The following ABL1 variants were observed in gnomAD, a reference collection of about 807,000 sequenced individuals.
The protein encoded by ABL1 is ABL proto-oncogene 1, non-receptor tyrosine kinase.
In ABL1, 11 loss-of-function variants were observed where a neutral mutation model predicts 94.7. The observed-to-expected ratio is 0.12, with a 90% CI of 0.07 to 0.19. ABL1 has a LOEUF of 0.19. Ranked by LOEUF, ABL1 falls within the 10% of genes least tolerant of loss-of-function variation. ABL1 has a pLI of 1.00. For synonymous variants in ABL1, 656 were observed against 622.4 expected (o/e 1.05, Z -0.80); for missense variants, 1,082 against 1,489.4 (o/e 0.73, Z 4.50).
intron 1 of ABL1, among the ~76,000 whole-genome samples, chr9:130,795,889 T>C (rs1829967713): frequency 6.6e-6 from 1 of 152,248 alleles, no homozygotes. Flanking sequence ...TGAGAGTGCC[T>C]TTTAAAAATA....
chr9:130,865,741 G>C (rs1831143568), intron 4 of ABL1, among the ~76,000 whole-genome samples: 1 of 109,478 alleles, frequency 9.1e-6, no homozygotes, highest in African/African-American at 4.4e-5. Context: ...GTGAGACCCT[G>C]TCTCCAAAAA....
chr9:130,767,087 C>G (rs1450319384), intron 1 of ABL1, among the ~76,000 whole-genome samples: 1 of 152,158 alleles, frequency 6.6e-6, no homozygotes, highest in African/African-American at 2.4e-5. Flanking sequence ...CTGGCTCTTT[C>G]AGACCCATGC....
At chr9:130,804,412 C>G (rs909561321) in intron 1 of ABL1, among the ~76,000 whole-genome samples, 1 of 152,066 alleles carries the variant, frequency 6.6e-6, no homozygotes, top group Non-Finnish European at 1.5e-5. Context: ...CATGGAGAAA[C>G]CCCGTCTCTA....
chr9:130,879,752 G>A (rs1831419402), intron 8 of ABL1, among the ~76,000 whole-genome samples: 1 of 152,154 alleles, frequency 6.6e-6, no homozygotes, highest in African/African-American at 2.4e-5. Flanking sequence ...CAAGATAGAA[G>A]GTGAGCTGTT....
rs574062875 is a variant in ABL1 at position 130,800,522 on chromosome 9, C to T, written c.137-53542C>T. 6.6e-5 allele frequency among the ~76,000 whole-genome samples: 10 copies of T among 152,180 alleles called. No individual in the cohort carries two copies. The South Asian group carries it at 1.9e-3, about 28-fold the overall frequency. ...TCTCAACATTAAAAGTTTTCCTGTG[C>T]CTTTTTCCAGTGGATTCCTTCCCTC... On this transcript the variant is annotated intron_variant, in intron 1 of 10. Transcript: ENST00000372348.
intron 4 of ABL1, among the ~76,000 whole-genome samples, chr9:130,866,654 A>G (rs1301293840): frequency 5.3e-5 from 8 of 152,204 alleles, no homozygotes; most frequent in African/African-American, 1.2e-4. Context: ...GAAGGAAGAC[A>G]GAAGAGAACA....
At chr9:130,787,342 T>TTC (rs557230800) in intron 1 of ABL1, among the ~76,000 whole-genome samples, 38 of 152,222 alleles carry the variant, frequency 2.5e-4, no homozygotes, top group Non-Finnish European at 4.1e-4. Flanking sequence ...GGACTCTGCC[T>TTC]TCTGTGTGTG....
chr9:130,786,542 A>G (rs899066352), intron 1 of ABL1, among the ~76,000 whole-genome samples: 2 of 152,186 alleles, frequency 1.3e-5, no homozygotes, highest in African/African-American at 4.8e-5. Flanking sequence ...CTGTCTCCTG[A>G]CTGGTACATC....
intron 1 of ABL1, among the ~76,000 whole-genome samples, chr9:130,826,277 C>T (rs903989658): frequency 4.6e-5 from 7 of 152,008 alleles, no homozygotes; most frequent in South Asian, 2.1e-4. Flanking sequence ...CACACCACCA[C>T]GCCCAGCAAA....
At chr9:130,743,232 C>T (rs1831841906) in intron 1 of ABL1, among the ~76,000 whole-genome samples, 1 of 152,136 alleles carries the variant, frequency 6.6e-6, no homozygotes, top group African/African-American at 2.4e-5. Flanking sequence ...GCCACCATGC[C>T]CGGCTAATTT....
rs962650766 is a variant in ABL1 at position 130,885,029 on chromosome 9, G to A, written c.2739G>A (p.Lys913=). ...PAASAGKAGG[K]PSQSPSQEAA... is the part of the protein sequence containing the mutation. Reference sequence around the variant, plus strand: ...CCTCTGCAGGGAAGGCTGGAGGAAAGCCCTCGCAGAGCCCGAGCCAGGAGG... The same window carrying A: ...CCTCTGCAGGGAAGGCTGGAGGAAAACCCTCGCAGAGCCCGAGCCAGGAGG... The change falls in exon 11 of 11, where the codon AAG becomes AAA. Residue 913 remains lysine (K), a synonymous_variant. Transcript: ENST00000318560. The A allele has an allele frequency of 3.1e-6, 5 of 1,611,326 alleles. No homozygotes were observed. Among genetic ancestry groups the A allele is most frequent in the Admixed American group, 3.3e-5 (2 of 59,834 alleles).
chr9:130,764,369 G>A (rs1832154773), intron 1 of ABL1, among the ~76,000 whole-genome samples: 2 of 152,160 alleles, frequency 1.3e-5, no homozygotes, highest in African/African-American at 4.8e-5. Context: ...GAGGGAACTA[G>A]CTCTGGTCCT....
At chr9:130,850,223 A>G (rs1830834527) in intron 1 of ABL1, among the ~76,000 whole-genome samples, 1 of 152,260 alleles carries the variant, frequency 6.6e-6, no homozygotes, top group African/African-American at 2.4e-5. Flanking sequence ...TGCAAGTGTG[A>G]AAAGAGAATT....
chr9:130,716,072 C>CCT (rs1831434882), intron 1 of ABL1, among the ~76,000 whole-genome samples: 1 of 91,186 alleles, frequency 1.1e-5, no homozygotes, highest in Admixed American at 1.4e-4. Context: ...GAAAAATGTC[C>CCT]TTTTTTTTTT....
chr9:130,812,036 C>T lies in ABL1; in HGVS notation c.137-42028C>T, dbSNP rs72765050. On this transcript the variant is annotated intron_variant, in intron 1 of 10. Coordinates refer to the ABL1 transcript ENST00000372348. Reference sequence around the variant, plus strand: ...GATGGGACAAATATGAAACAAAGAGCAAGATGGTAGGTTAAAATTCATATC... The same window carrying T: ...GATGGGACAAATATGAAACAAAGAGTAAGATGGTAGGTTAAAATTCATATC... 2.0e-5 allele frequency among the ~76,000 whole-genome samples: 3 copies of T among 148,254 alleles called. No homozygotes were observed. In the East Asian group the frequency reaches 6.0e-4, roughly 29 times the overall value.
intron 1 of ABL1, among the ~76,000 whole-genome samples, chr9:130,733,204 A>C (rs1831688724): frequency 6.6e-6 from 1 of 152,194 alleles, no homozygotes. Context: ...TCACTTGAAC[A>C]GAATTGAGTT....
chr9:130,801,888 G>C (rs1830060216), intron 1 of ABL1, among the ~76,000 whole-genome samples: 1 of 152,042 alleles, frequency 6.6e-6, no homozygotes, highest in African/African-American at 2.4e-5. Flanking sequence ...AGTGCAAGCT[G>C]CTTTGTTTCT....
chr9:130,725,622 C>T (rs748381906), intron 1 of ABL1, among the ~76,000 whole-genome samples: 78 of 152,078 alleles, frequency 5.1e-4, no homozygotes, highest in Non-Finnish European at 8.5e-4. Context: ...TCAGGTGATC[C>T]GCCTGCCTAG....
chr9:130,832,703 A>G (rs1055148204), upstream of ABL1, among the ~76,000 whole-genome samples: 1 of 152,256 alleles, frequency 6.6e-6, no homozygotes, highest in African/African-American at 2.4e-5. Context: ...GTTAGTTCAC[A>G]GTCTTTAATT....
Sources: gnomAD v4.1 joint callset for allele counts (sites outside exome capture counted in the v4.1 genomes callset) on GRCh38, gnomAD v4.1.1 for gene constraint, MANE v1.5 for transcripts, NCBI Gene and HGNC (gene_info 2026-07-23, HGNC 2026-07-21) for gene names.